The following KCNIP1 variants were observed in gnomAD, a reference collection of about 807,000 sequenced individuals.
KCNIP1 encodes A-type potassium channel modulatory protein KCNIP1.
Under a neutral mutation model 33.0 loss-of-function variants are expected in KCNIP1, and 18 were observed. The observed-to-expected ratio is 0.55, with a 90% CI of 0.38 to 0.81. The LOEUF is 0.81. KCNIP1 is among the 30% of genes least tolerant of loss of function. The pLI is 0.00. For synonymous variants in KCNIP1, 93 were observed against 98.3 expected, an observed-to-expected ratio of 0.95 and a Z score of 0.32; for missense variants, 238 against 271.6, an observed-to-expected ratio of 0.88 and a Z score of 0.87.
intron 1 of KCNIP1, among the ~76,000 whole-genome samples, chr5:170,461,578 G>A (rs1174309073): frequency 3.9e-5 from 6 of 151,912 alleles, no homozygotes; most frequent in Non-Finnish European, 8.8e-5. Flanking sequence ...GTAAAACTCC[G>A]TCTCTACTAA....
chr5:170,568,658 A>AAAAAAAAAAAAAAAAAAAAAAAAC (rs1757288640), intron 1 of KCNIP1, among the ~76,000 whole-genome samples: 1 of 145,406 alleles, frequency 6.9e-6, no homozygotes, highest in African/African-American at 2.5e-5. Context: ...TAAAAAAAAA[A>AAAAAAAAAAAAAAAAAAAAAAAAC]AAAAAAAAAA....
intron 1 of KCNIP1, among the ~76,000 whole-genome samples, chr5:170,547,367 CTTTT>C (rs1244644508): frequency 6.6e-6 from 1 of 152,072 alleles, no homozygotes; most frequent in African/African-American, 2.4e-5. Flanking sequence ...TTAAAATTTC[CTTTT>C]TTTAACTTTT....
chr5:170,542,611 T>G lies in KCNIP1; in HGVS notation c.61+37978T>G, dbSNP rs1310916107. Among the ~76,000 whole-genome samples the G allele has an allele frequency of 3.9e-5, 6 of 152,300 alleles. No homozygotes were observed. The East Asian group carries it at 5.8e-4, about 15-fold the overall frequency. Reference sequence around the variant, plus strand: ...AGGGGATATATTCCAAGACCCCCCGTTGGCACCTGAAATCACAGATAGTGC... The same window carrying G: ...AGGGGATATATTCCAAGACCCCCCGGTGGCACCTGAAATCACAGATAGTGC... On this transcript the variant is annotated intron_variant, in intron 1 of 7. Coordinates refer to ENST00000328939, the MANE Select transcript of KCNIP1 (RefSeq NM_014592.4).
Position 170,720,350 on chromosome 5 carries a change from C to T in KCNIP1, c.216C>T (p.Asp72=), listed in dbSNP as rs769659030. The T allele has an allele frequency of 1.9e-6, 3 of 1,614,122 alleles. No homozygotes were observed. The highest frequency in any genetic ancestry group is 1.7e-6 in the Non-Finnish European group (2 of 1,179,978). The change falls in exon 3 of 8, where the codon GAC becomes GAT. Residue 72 remains aspartate, a synonymous_variant. Coordinates refer to ENST00000328939, the MANE Select transcript of KCNIP1 (RefSeq NM_014592.4). ...NECPSGVVNE[D]TFKQIYAQFF... ...GCCCCAGTGGTGTGGTCAACGAAGACACATTCAAGCAGATCTATGCTCAGT... is the reference window on the plus strand; with the variant it reads ...GCCCCAGTGGTGTGGTCAACGAAGATACATTCAAGCAGATCTATGCTCAGT...
At chr5:170,638,672 A>C (rs1225802579) in intron 1 of KCNIP1, among the ~76,000 whole-genome samples, 2 of 151,866 alleles carry the variant, frequency 1.3e-5, no homozygotes, top group Admixed American at 6.6e-5. Context: ...TACCCGGGCC[A>C]AGCGTCCAAG....
At chr5:170,631,794 G>A (rs1055119133) in intron 1 of KCNIP1, among the ~76,000 whole-genome samples, 1 of 152,200 alleles carries the variant, frequency 6.6e-6, no homozygotes, top group Non-Finnish European at 1.5e-5. Context: ...AAGGCCACGT[G>A]CTGCCCCCAC....
chr5:170,524,127 C>T (rs1257066763), intron 1 of KCNIP1, among the ~76,000 whole-genome samples: 1 of 152,202 alleles, frequency 6.6e-6, no homozygotes, highest in Non-Finnish European at 1.5e-5. Context: ...GCCTCCAGAT[C>T]CAATGTCTTC....
chr5:170,461,749 CA>C (rs61705618), intron 1 of KCNIP1, among the ~76,000 whole-genome samples: 129,465 of 142,130 alleles, frequency 0.91, 58,831 homozygotes, highest in South Asian at 0.96. Flanking sequence ...GACTCCATCT[CA>C]AAAAAAAAAA....
Position 170,541,766 on chromosome 5 carries a change from C to T in KCNIP1, c.61+37133C>T, listed in dbSNP as rs543032283. ...GCCTGAACCCAGGTTCTGCCATGTA[C>T]AGGCTGAAGCTTGGCAAGCCTCTGC... is the stretch of plus-strand genomic sequence containing the variant. On this transcript the variant is annotated intron_variant, in intron 1 of 7. Transcript: ENST00000328939. Among the ~76,000 whole-genome samples, 4 of 151,858 alleles carry T rather than the reference C, an allele frequency of 2.6e-5. No homozygotes were observed. In the South Asian group the frequency reaches 8.3e-4, roughly 32 times the overall value.
At chr5:170,554,641 G>A (rs2113432807) in intron 1 of KCNIP1, among the ~76,000 whole-genome samples, 1 of 152,326 alleles carries the variant, frequency 6.6e-6, no homozygotes, top group South Asian at 2.1e-4. Flanking sequence ...CAGACTCGAG[G>A]ATGTGAGATT....
At chr5:170,544,473 C>T (rs924319303) in intron 1 of KCNIP1, among the ~76,000 whole-genome samples, 1 of 152,082 alleles carries the variant, frequency 6.6e-6, no homozygotes, top group Admixed American at 6.6e-5. Flanking sequence ...TACCTCCTTC[C>T]TGATGCATAG....
intron 1 of KCNIP1, among the ~76,000 whole-genome samples, chr5:170,450,917 C>T (rs966201869): frequency 6.6e-6 from 1 of 152,044 alleles, no homozygotes; most frequent in Admixed American, 6.5e-5. Flanking sequence ...TGCTCCAGTC[C>T]CATCACCTGA....
At chr5:170,532,433 A>G (rs4640812) in intron 1 of KCNIP1, among the ~76,000 whole-genome samples, 43,322 of 151,998 alleles carry the variant, frequency 0.29, 9,198 homozygotes, top group African/African-American at 0.6. Context: ...GACTCCCCTC[A>G]TCTCAGATCA....
chr5:170,549,688 T>A lies in KCNIP1; in HGVS notation c.61+45055T>A, dbSNP rs527949264. The stretch of plus-strand genomic sequence containing the variant: ...ATGTTGAAATATGCTTAAGAAATAT[T>A]ATATGCTTGAAACTTCTCTTGGAAA... On this transcript the variant is annotated intron_variant, in intron 1 of 7. Coordinates refer to ENST00000328939, the MANE Select transcript of KCNIP1 (RefSeq NM_014592.4). 5.3e-5 allele frequency among the ~76,000 whole-genome samples: 8 copies of A among 152,338 alleles called. No homozygotes were observed. In the East Asian group the frequency reaches 1.2e-3, roughly 22 times the overall value.
chr5:170,707,804 C>T (rs1381827934), intron 1 of KCNIP1, among the ~76,000 whole-genome samples: 16 of 151,384 alleles, frequency 1.1e-4, no homozygotes, highest in Non-Finnish European at 2.1e-4. Flanking sequence ...TTTTTGGACT[C>T]CCTTTTTCAG....
chr5:170,381,511 G>T (rs996064228), intron 1 of KCNIP1, among the ~76,000 whole-genome samples: 1 of 152,204 alleles, frequency 6.6e-6, no homozygotes, highest in African/African-American at 2.4e-5. Context: ...GAACCCCTAT[G>T]ATGGACATAG....
chr5:170,408,475 G>A (rs1755095197), intron 1 of KCNIP1, among the ~76,000 whole-genome samples: 1 of 152,180 alleles, frequency 6.6e-6, no homozygotes, highest in South Asian at 2.1e-4. Context: ...TGATTTCCAA[G>A]AGCGTGAGCA....
chr5:170,579,310 T>A (rs1757709602), intron 1 of KCNIP1, among the ~76,000 whole-genome samples: 1 of 152,192 alleles, frequency 6.6e-6, no homozygotes, highest in African/African-American at 2.4e-5. Flanking sequence ...ATTTAGGGCC[T>A]TGCCTCCAGA....
chr5:170,486,704 C>A (rs970127177), intron 1 of KCNIP1, among the ~76,000 whole-genome samples: 2 of 152,196 alleles, frequency 1.3e-5, no homozygotes, highest in South Asian at 2.1e-4. Flanking sequence ...TTTTTGCAAT[C>A]AAAAATAACC....
Sources: gnomAD v4.1 joint callset for allele counts (sites outside exome capture counted in the v4.1 genomes callset) on GRCh38, gnomAD v4.1.1 for gene constraint, MANE v1.5 for transcripts, NCBI Gene and HGNC (gene_info 2026-07-23, HGNC 2026-07-21) for gene names.